RARB: variants seen among roughly 807,000 people sequenced by gnomAD.
RARB encodes HBV-activated protein.
Under a neutral mutation model 51.9 loss-of-function variants are expected in RARB, and 17 were observed. That is an observed-to-expected ratio of 0.33 (90% confidence interval 0.22 to 0.49). RARB has a LOEUF of 0.49. RARB is among the 20% of genes least tolerant of loss of function. RARB has a pLI of 0.99. For synonymous variants in RARB, 215 were observed against 195.4 expected (o/e 1.10, Z -0.84); for missense variants, 369 against 550.8 (o/e 0.67, Z 3.30).
intron 5 of RARB, among the ~76,000 whole-genome samples, chr3:25,234,723 T>G (rs949507929): frequency 2.6e-5 from 4 of 152,144 alleles, no homozygotes; most frequent in African/African-American, 9.7e-5. Flanking sequence ...TTTCTCCCCT[T>G]AAACTCTTGT....
At chr3:25,507,876 C>T (rs1350816775) in intron 3 of RARB, among the ~76,000 whole-genome samples, 1 of 152,146 alleles carries the variant, frequency 6.6e-6, no homozygotes, top group Non-Finnish European at 1.5e-5. Flanking sequence ...GGTCATTGGC[C>T]TCCTCCAAGA....
rs962475239 is a variant in RARB, at chr3:25,510,537, A to T, written c.448+9214A>T. Among the ~76,000 whole-genome samples, 4 of 152,196 alleles carry T rather than the reference A, an allele frequency of 2.6e-5. No individual in the cohort carries two copies. The East Asian group carries it at 7.7e-4, about 29-fold the overall frequency. Reference sequence around the variant, plus strand: ...GCTACTCTGGAGGCTGAGGCACAAGAATTACATGAACCCAGGAGGCAGAGG... The same window carrying T: ...GCTACTCTGGAGGCTGAGGCACAAGTATTACATGAACCCAGGAGGCAGAGG... On this transcript the variant is annotated intron_variant, in intron 3 of 7. Transcript: ENST00000330688.
At chr3:25,365,199 C>CTTTTTTTTTTT (rs3035063) in intron 5 of RARB, among the ~76,000 whole-genome samples, 4 of 75,458 alleles carry the variant, frequency 5.3e-5, no homozygotes, top group Non-Finnish European at 7.5e-5. Flanking sequence ...TTCTTTCTTT[C>CTTTTTTTTTTT]TTTTTTTTTT....
chr3:24,910,010 A>C (rs1157298852), intron 2 of RARB, among the ~76,000 whole-genome samples: 1 of 152,170 alleles, frequency 6.6e-6, no homozygotes, highest in Non-Finnish European at 1.5e-5. Flanking sequence ...TTCTAGCCAG[A>C]GATTATTGAA....
intron 5 of RARB, among the ~76,000 whole-genome samples, chr3:25,202,120 T>C (rs1701408465): frequency 6.6e-6 from 1 of 152,216 alleles, no homozygotes; most frequent in African/African-American, 2.4e-5. Context: ...GATCCTGTTA[T>C]TGGTCTATTC....
intron 1 of RARB, among the ~76,000 whole-genome samples, chr3:25,459,800 G>A (rs1192303905): frequency 1.3e-5 from 2 of 152,126 alleles, no homozygotes; most frequent in East Asian, 3.8e-4. Flanking sequence ...TTTATATTCT[G>A]GGAAATACAC....
At chr3:25,284,071 C>A (rs1703590304) in intron 5 of RARB, among the ~76,000 whole-genome samples, 1 of 152,236 alleles carries the variant, frequency 6.6e-6, no homozygotes, top group Non-Finnish European at 1.5e-5. Flanking sequence ...CTCCCTCCTT[C>A]TCATTTTGCT....
At chr3:25,310,608 A>G (rs1704265214) in intron 5 of RARB, among the ~76,000 whole-genome samples, 1 of 152,192 alleles carries the variant, frequency 6.6e-6, no homozygotes, top group African/African-American at 2.4e-5. Context: ...GAAGGAGTCC[A>G]GGCTGGGAGC....
chr3:25,081,820 A>G (rs1699011675), intron 3 of RARB, among the ~76,000 whole-genome samples: 1 of 150,206 alleles, frequency 6.7e-6, no homozygotes, highest in African/African-American at 2.4e-5. Flanking sequence ...TTCAGTAGAG[A>G]TGGGGTTTCA....
chr3:24,912,975 CTTT>C (rs386396163), intron 2 of RARB, among the ~76,000 whole-genome samples: 4,298 of 74,864 alleles, frequency 0.057, 159 homozygotes, highest in East Asian at 0.25. Context: ...GGTACTGATT[CTTT>C]TTTTTTTTTT....
chr3:24,964,102 T>C (rs1696202686), intron 2 of RARB, among the ~76,000 whole-genome samples: 1 of 151,990 alleles, frequency 6.6e-6, no homozygotes, highest in Admixed American at 6.6e-5. Flanking sequence ...TCAAGTTGAG[T>C]TTTTACTGAA....
At chr3:25,417,889 C>A in intron 5 of RARB, among the ~76,000 whole-genome samples, 1 of 152,156 alleles carries the variant, frequency 6.6e-6, no homozygotes, top group East Asian at 1.9e-4. Flanking sequence ...GAGGTAAATG[C>A]TCCAGGCTGG....
chr3:24,855,369 G>A (rs1336169042), intron 1 of RARB, among the ~76,000 whole-genome samples: 1 of 152,120 alleles, frequency 6.6e-6, no homozygotes, highest in East Asian at 1.9e-4. Flanking sequence ...CAATAGAAAG[G>A]CATGGCAGGA....
In RARB at chr3:25,593,725, A is replaced by G. The variant is rs766401257; in HGVS notation, c.991+18A>G. 6 of 1,604,226 alleles carry G rather than the reference A, an allele frequency of 3.7e-6. No individual in the cohort carries two copies. In the East Asian group the frequency reaches 1.1e-4, roughly 30 times the overall value. On this transcript the variant is annotated intron_variant, in intron 6 of 7. Coordinates refer to ENST00000330688, the MANE Select transcript of RARB (RefSeq NM_000965.5). ...CTGTGGAGGTACCAACTATGTAGAA[A>G]AGCCTCATGAAATTCCATGAAGAAC...
intron 5 of RARB, among the ~76,000 whole-genome samples, chr3:25,266,478 TTTC>T (rs1229028358): frequency 6.6e-6 from 1 of 152,198 alleles, no homozygotes; most frequent in Non-Finnish European, 1.5e-5. Flanking sequence ...GCAAATATTT[TTTC>T]TTAATTTTAC....
At chr3:25,165,171 G>A (rs778463528) in intron 4 of RARB, among the ~76,000 whole-genome samples, 35 of 152,092 alleles carry the variant, frequency 2.3e-4, no homozygotes, top group East Asian at 5.8e-4. Flanking sequence ...CTAGAATGCC[G>A]TTCTTGACAC....
At chr3:25,291,900 G>T (rs1226173651) in intron 5 of RARB, among the ~76,000 whole-genome samples, 1 of 152,076 alleles carries the variant, frequency 6.6e-6, no homozygotes, top group Non-Finnish European at 1.5e-5. Flanking sequence ...CTTTTGTTCT[G>T]AACTTGGAAT....
chr3:24,898,166 C>T lies in RARB; in HGVS notation c.-380+39414C>T, dbSNP rs371553069. Among the ~76,000 whole-genome samples the T allele has an allele frequency of 2.0e-5, 3 of 152,110 alleles. No individual in the cohort carries two copies. In the East Asian group the frequency reaches 5.8e-4, roughly 29 times the overall value. On this transcript the variant is annotated intron_variant, in intron 2 of 11. Transcript: ENST00000383772. ...TTGTTGGTGGCCTGACTGGTACCTA[C>T]AGACACTGCTGTGACTGATGCTTCA...
intron 5 of RARB, among the ~76,000 whole-genome samples, chr3:25,379,091 C>T (rs1017688263): frequency 6.6e-6 from 1 of 152,190 alleles, no homozygotes; most frequent in Non-Finnish European, 1.5e-5. Context: ...ATTGACCTGT[C>T]ATTCACATGT....
Sources: allele counts gnomAD v4.1 joint callset (sites outside exome capture counted in the v4.1 genomes callset), GRCh38; gene constraint gnomAD v4.1.1; transcripts MANE v1.5; gene names NCBI Gene and HGNC (gene_info 2026-07-23, HGNC 2026-07-21).